Variants in KLF17 observed in about 807,000 individuals in gnomAD.
KLF17 encodes the protein Krueppel-like factor 17.
Under a neutral mutation model 34.2 loss-of-function variants are expected in KLF17, and 31 were observed. The ratio of observed to expected loss-of-function variants is 0.91; its 90% CI spans 0.68 to 1.22. KLF17 has a LOEUF of 1.22. Ranked by LOEUF, KLF17 falls within the 50% of genes most tolerant of loss-of-function variation. KLF17 has a pLI of 0.00. For missense variants in KLF17, 478 were observed against 505.2 expected (o/e 0.95, Z 0.52); for synonymous variants, 179 against 186.7 (o/e 0.96, Z 0.34).
At chr1:44,122,817 T>C (rs374665319) in intron 1 of KLF17, among the ~76,000 whole-genome samples, 10 of 152,270 alleles carry the variant, frequency 6.6e-5, no homozygotes, top group African/African-American at 2.4e-4. Context: ...CAGGCTGGTC[T>C]TGAACTCCTG....
At chr1:44,092,872 C>CA in the KLF17 span, among the ~76,000 whole-genome samples, 808 of 150,958 alleles carry the variant, frequency 5.4e-3, 11 homozygotes, top group African/African-American at 0.018. Context: ...AAAAAAAACC[C>CA]CAAAAAAACA....
chr1:44,076,712 G>T, the KLF17 span: 1 of 151,118 alleles, frequency 6.6e-6, no homozygotes, highest in South Asian at 2.1e-4. Flanking sequence ...TTTTCTATTG[G>T]GTTGTCTTTT....
At chr1:44,102,573 C>T in the KLF17 span, among the ~76,000 whole-genome samples, 1 of 53,646 alleles carries the variant, frequency 1.9e-5, no homozygotes, top group African/African-American at 6.0e-5. Context: ...CATACACACA[C>T]ACACACACAC....
At chr1:44,056,714 C>G in the KLF17 span, among the ~76,000 whole-genome samples, 1 of 152,194 alleles carries the variant, frequency 6.6e-6, no homozygotes, top group East Asian at 1.9e-4. Flanking sequence ...TTTCTAACAG[C>G]TAGACCAGGT....
chr1:44,094,313 T>C, the KLF17 span, among the ~76,000 whole-genome samples: 1 of 152,248 alleles, frequency 6.6e-6, no homozygotes, highest in South Asian at 2.1e-4. Context: ...TCTTTGTTAA[T>C]TGTTTCCTCT....
At chr1:44,128,954 G>T (rs2088062664) in intron 1 of KLF17, among the ~76,000 whole-genome samples, 1 of 152,036 alleles carries the variant, frequency 6.6e-6, no homozygotes, top group Middle Eastern at 3.2e-3. Flanking sequence ...AGAGGTCGTG[G>T]TGAGCCAAGA....
At chr1:44,079,125 T>C in the KLF17 span, among the ~76,000 whole-genome samples, 1 of 152,122 alleles carries the variant, frequency 6.6e-6, no homozygotes, top group African/African-American at 2.4e-5. Flanking sequence ...TGATCTCATA[T>C]TTTCTTCTTT....
chr1:44,107,662 G>A, the KLF17 span, among the ~76,000 whole-genome samples: 1 of 152,012 alleles, frequency 6.6e-6, no homozygotes, highest in Non-Finnish European at 1.5e-5. Flanking sequence ...TTCATTGGTC[G>A]CTTGGTAAAG....
At chr1:44,072,525 AAAATAAAT>A in the KLF17 span, among the ~76,000 whole-genome samples, 277 of 150,766 alleles carry the variant, frequency 1.8e-3, 1 homozygote, top group African/African-American at 5.6e-3. Flanking sequence ...TGTCTCTACA[AAAATAAAT>A]AAATAAATAA....
At chr1:44,103,320 C>G in the KLF17 span, 1 of 733,214 alleles carries the variant, frequency 1.4e-6, no homozygotes, top group African/African-American at 1.7e-5. Flanking sequence ...TTGGGCAGGA[C>G]GTCAAAGGAC....
At chr1:44,128,295 C>T (rs1332858660) in intron 1 of KLF17, among the ~76,000 whole-genome samples, 1 of 152,190 alleles carries the variant, frequency 6.6e-6, no homozygotes, top group Non-Finnish European at 1.5e-5. Flanking sequence ...ATCCACCTGC[C>T]TCGGCCTCCC....
chr1:44,090,123 T>A, the KLF17 span, among the ~76,000 whole-genome samples: 1 of 142,422 alleles, frequency 7.0e-6, no homozygotes, highest in South Asian at 2.2e-4. Context: ...AGTGAGACTC[T>A]GTCTCAAAAA....
At chr1:44,066,346 CA>C in the KLF17 span, among the ~76,000 whole-genome samples, 4 of 145,190 alleles carry the variant, frequency 2.8e-5, no homozygotes, top group Non-Finnish European at 6.0e-5. Flanking sequence ...ACCCTCCCCC[CA>C]AAAAAAACAA....
At chr1:44,074,983 CT>C in the KLF17 span, 2 of 152,184 alleles carry the variant, frequency 1.3e-5, no homozygotes, top group African/African-American at 4.8e-5. Flanking sequence ...ACTCTGTATT[CT>C]TCTTACCTTC....
the KLF17 span, among the ~76,000 whole-genome samples, chr1:44,093,684 C>T: frequency 7.2e-5 from 11 of 152,066 alleles, no homozygotes; most frequent in South Asian, 2.1e-4. Context: ...TGTGAGCCAC[C>T]GCACTCATCT....
chr1:44,054,328 C>CA, the KLF17 span, among the ~76,000 whole-genome samples: 1 of 151,922 alleles, frequency 6.6e-6, no homozygotes, highest in Non-Finnish European at 1.5e-5. Context: ...AAAAGTTGGC[C>CA]AAAAAATCAC....
At chr1:44,090,593 T>C in the KLF17 span, among the ~76,000 whole-genome samples, 25 of 151,936 alleles carry the variant, frequency 1.6e-4, no homozygotes, top group African/African-American at 6.0e-4. Flanking sequence ...CTGAAATCAT[T>C]GTGTTAAAGA....
At chr1:44,108,135 G>A in the KLF17 span, among the ~76,000 whole-genome samples, 1 of 152,212 alleles carries the variant, frequency 6.6e-6, no homozygotes, top group Non-Finnish European at 1.5e-5. Context: ...CCAGTCACCT[G>A]CCGTGTAGAG....
the KLF17 span, among the ~76,000 whole-genome samples, chr1:44,092,070 C>T: frequency 6.7e-6 from 1 of 148,876 alleles, no homozygotes; most frequent in Non-Finnish European, 1.5e-5. Flanking sequence ...GGGTCAGGTG[C>T]AGTGGCTCAC....
Sources: allele counts gnomAD v4.1 joint callset (sites outside exome capture counted in the v4.1 genomes callset), GRCh38; gene constraint gnomAD v4.1.1; transcripts MANE v1.5; gene names NCBI Gene and HGNC (gene_info 2026-07-23, HGNC 2026-07-21).